CNTN4: variants seen among roughly 807,000 people sequenced by gnomAD.
CNTN4 encodes contactin 4.
In CNTN4, 77 loss-of-function variants were observed where a neutral mutation model predicts 122.5. The observed-to-expected ratio is 0.63, with a 90% CI of 0.52 to 0.76. The LOEUF is 0.76. CNTN4 is among the 30% of genes least tolerant of loss of function. CNTN4 has a pLI of 0.00. For missense variants in CNTN4, 1,256 were observed against 1,259.1 expected, an observed-to-expected ratio of 1.00 and a Z score of 0.04; for synonymous variants, 512 against 447.0, an observed-to-expected ratio of 1.15 and a Z score of -1.83.
chr3:2,244,772 A>G (rs1385680102), intron 2 of CNTN4, among the ~76,000 whole-genome samples: 5 of 152,014 alleles, frequency 3.3e-5, no homozygotes, highest in South Asian at 2.1e-4. Flanking sequence ...GAGAGAGACA[A>G]ACAAGGAGAG....
intron 6 of CNTN4, among the ~76,000 whole-genome samples, chr3:2,779,046 T>C (rs986153825): frequency 2.6e-5 from 4 of 152,224 alleles, no homozygotes; most frequent in Non-Finnish European, 4.4e-5. Context: ...CTTCAGATGA[T>C]GAAATGATCA....
intron 6 of CNTN4, among the ~76,000 whole-genome samples, chr3:2,752,237 G>A (rs1335950902): frequency 6.6e-6 from 1 of 152,200 alleles, no homozygotes; most frequent in Non-Finnish European, 1.5e-5. Flanking sequence ...TGTATGCAAT[G>A]TGTAAATGAT....
chr3:2,327,088 G>C (rs2043492816), intron 2 of CNTN4, among the ~76,000 whole-genome samples: 1 of 152,038 alleles, frequency 6.6e-6, no homozygotes, highest in South Asian at 2.1e-4. Context: ...GTAATTTGGG[G>C]AAATTTCATC....
intron 2 of CNTN4, among the ~76,000 whole-genome samples, chr3:2,176,140 CAG>C (rs1302528697): frequency 6.6e-6 from 1 of 152,160 alleles, no homozygotes; most frequent in African/African-American, 2.4e-5. Flanking sequence ...TGAAATCACA[CAG>C]AACATGCATT....
At chr3:3,040,971 A>C (rs95867) in intron 20 of CNTN4, 28,262 of 152,890 alleles carry the variant, frequency 0.18, 4,571 homozygotes, top group African/African-American at 0.44. Context: ...AGAGTAAGTC[A>C]TGAAGCAGTG....
At chr3:2,956,363 G>A (rs1030392505) in intron 13 of CNTN4, among the ~76,000 whole-genome samples, 2 of 152,016 alleles carry the variant, frequency 1.3e-5, no homozygotes, top group African/African-American at 2.4e-5. Context: ...ATGGATGGTG[G>A]TGACAGTTGC....
intron 3 of CNTN4, among the ~76,000 whole-genome samples, chr3:2,407,651 G>A (rs2047086454): frequency 6.6e-6 from 1 of 152,156 alleles, no homozygotes; most frequent in Non-Finnish European, 1.5e-5. Flanking sequence ...CATTTGAGAT[G>A]TTATTTGGTT....
At chr3:2,510,243 T>C (rs1273316816) in intron 3 of CNTN4, among the ~76,000 whole-genome samples, 2 of 152,188 alleles carry the variant, frequency 1.3e-5, no homozygotes, top group Admixed American at 6.5e-5. Context: ...TGAAGGTCTA[T>C]TTTCTAGATC....
chr3:2,722,693 A>T (rs964769233), intron 4 of CNTN4, among the ~76,000 whole-genome samples: 1 of 152,210 alleles, frequency 6.6e-6, no homozygotes, highest in Admixed American at 6.5e-5. Context: ...TTTCACAGAA[A>T]GGGTTTTTGC....
chr3:3,003,700 A>AC (rs1392019729), intron 14 of CNTN4, among the ~76,000 whole-genome samples: 118 of 149,076 alleles, frequency 7.9e-4, no homozygotes, highest in African/African-American at 2.6e-3. Flanking sequence ...AAAAAAAAAA[A>AC]AAAAAAAAAA....
At chr3:2,209,567 C>T (rs1193447406) in intron 2 of CNTN4, among the ~76,000 whole-genome samples, 2 of 152,140 alleles carry the variant, frequency 1.3e-5, no homozygotes, top group East Asian at 1.9e-4. Context: ...CTCCTTCAAC[C>T]CTGTGCTGGG....
chr3:2,483,521 T>C (rs1009635819), intron 3 of CNTN4, among the ~76,000 whole-genome samples: 38 of 152,184 alleles, frequency 2.5e-4, no homozygotes, highest in African/African-American at 8.9e-4. Context: ...CAGAATGATA[T>C]GGTTTTGCTG....
At chr3:2,191,255 C>CT (rs35365255) in intron 2 of CNTN4, among the ~76,000 whole-genome samples, 186 of 143,754 alleles carry the variant, frequency 1.3e-3, no homozygotes, top group African/African-American at 3.2e-3. Flanking sequence ...TTTAATGTGG[C>CT]TTTTTTTTTT....
chr3:2,346,802 C>A (rs1359871118), intron 3 of CNTN4, among the ~76,000 whole-genome samples: 1 of 152,140 alleles, frequency 6.6e-6, no homozygotes, highest in Non-Finnish European at 1.5e-5. Flanking sequence ...AATGATAAGT[C>A]CAAGTATGCA....
At chr3:2,149,317 T>C (rs912593663) in intron 2 of CNTN4, among the ~76,000 whole-genome samples, 3 of 152,188 alleles carry the variant, frequency 2.0e-5, no homozygotes, top group Admixed American at 2.0e-4. Context: ...CTTCCATTTG[T>C]CTGTTTTCAT....
At chr3:2,299,130 G>T (rs1432465259) in intron 2 of CNTN4, among the ~76,000 whole-genome samples, 1 of 152,102 alleles carries the variant, frequency 6.6e-6, no homozygotes, top group African/African-American at 2.4e-5. Flanking sequence ...ATTGAAAATG[G>T]ACAGGAAATC....
intron 2 of CNTN4, among the ~76,000 whole-genome samples, chr3:2,159,482 G>C (rs2035865866): frequency 6.6e-6 from 1 of 152,160 alleles, no homozygotes; most frequent in South Asian, 2.1e-4. Flanking sequence ...AATTGCAGGG[G>C]TCTCTGAGCA....
intron 10 of CNTN4, among the ~76,000 whole-genome samples, chr3:2,899,303 T>C (rs959243021): frequency 2.0e-5 from 3 of 152,214 alleles, no homozygotes; most frequent in Non-Finnish European, 4.4e-5. Flanking sequence ...ATTTGAAACA[T>C]TGTTGAGTGA....
chr3:2,749,047 C>T (rs763175972), intron 6 of CNTN4, among the ~76,000 whole-genome samples: 2 of 152,284 alleles, frequency 1.3e-5, no homozygotes, highest in East Asian at 1.9e-4. Flanking sequence ...AGAAAGTTTC[C>T]GTGTCACCCT....
Sources: gnomAD v4.1 joint callset for allele counts (sites outside exome capture counted in the v4.1 genomes callset) on GRCh38, gnomAD v4.1.1 for gene constraint, MANE v1.5 for transcripts, NCBI Gene and HGNC (gene_info 2026-07-23, HGNC 2026-07-21) for gene names.